The following TMC1 variants were observed in gnomAD, a reference collection of about 807,000 sequenced individuals.
TMC1 encodes the protein transmembrane channel like 1, also known as transmembrane channel-like protein 1.
Under a neutral mutation model 105.8 loss-of-function variants are expected in TMC1, and 84 were observed. That is an observed-to-expected ratio of 0.79 (90% CI 0.67 to 0.95). The LOEUF (loss-of-function observed/expected upper bound fraction) is 0.95. TMC1 is among the 40% of genes least tolerant of loss of function. The pLI is 0.00. For synonymous variants in TMC1, 315 were observed against 311.5 expected, an observed-to-expected ratio of 1.01 and a Z score of -0.12; for missense variants, 817 against 914.1, an observed-to-expected ratio of 0.89 and a Z score of 1.37.
intron 3 of TMC1, among the ~76,000 whole-genome samples, chr9:72,619,101 A>G (rs1825195119): frequency 6.6e-6 from 1 of 152,182 alleles, no homozygotes; most frequent in Non-Finnish European, 1.5e-5. Context: ...AACATTTGTC[A>G]TACTGAAAAG....
intron 8 of TMC1, among the ~76,000 whole-genome samples, chr9:72,704,465 TACCA>T (rs1826700559): frequency 6.6e-6 from 1 of 152,160 alleles, no homozygotes; most frequent in South Asian, 2.1e-4. Flanking sequence ...AAAGAGCATC[TACCA>T]TTAGGAACCC....
chr9:72,601,599 C>T (rs1192294170), intron 2 of TMC1, among the ~76,000 whole-genome samples: 7 of 152,170 alleles, frequency 4.6e-5, no homozygotes, highest in African/African-American at 1.4e-4. Context: ...GAGCTGAGAT[C>T]GTGCTCCTGC....
chr9:72,648,453 T>C lies in TMC1; in HGVS notation c.-52-144T>C, dbSNP rs1825750072. On this transcript the variant is annotated intron_variant, in intron 4 of 23. Coordinates refer to ENST00000297784, the MANE Select transcript of TMC1 (RefSeq NM_138691.3). ...CGTCCCTTAAATGGCAAACTAAACA[T>C]TCGTGAAAATTTAATGGTGAGGAAA... The C allele has an allele frequency of 1.3e-5, 8 of 634,994 alleles. No homozygotes were observed. In the South Asian group the frequency reaches 1.3e-4, roughly 10 times the overall value. The allele number at this position is 634,994 out of a possible 1,614,324, so 39.3% of individuals were successfully genotyped here.
intron 8 of TMC1, among the ~76,000 whole-genome samples, chr9:72,716,792 C>G (rs768162781): frequency 3.4e-4 from 51 of 152,158 alleles, no homozygotes; most frequent in Non-Finnish European, 6.3e-4. Context: ...CACTGACATT[C>G]CAGGCACCAC....
intron 2 of TMC1, among the ~76,000 whole-genome samples, chr9:72,602,274 A>T (rs1824829878): frequency 6.6e-6 from 1 of 152,020 alleles, no homozygotes; most frequent in African/African-American, 2.4e-5. Context: ...AAGTAAGACA[A>T]CACACTCCAG....
intron 3 of TMC1, among the ~76,000 whole-genome samples, chr9:72,624,063 T>C (rs1194754147): frequency 1.3e-5 from 2 of 152,146 alleles, no homozygotes; most frequent in African/African-American, 4.8e-5. Context: ...TTCCGATAGA[T>C]GGTTGTGTAG....
rs145064551 is a variant in TMC1 at position 72,733,852 on chromosome 9, T to A, written c.363-6267T>A. Among the ~76,000 whole-genome samples, 286 of 152,304 alleles carry A rather than the reference T, an allele frequency of 1.9e-3. 4 individuals are homozygous for A. The highest frequency in any genetic ancestry group is 0.014 in the Middle Eastern group (4 of 294). ...CTTAGCAACCTCAGCATACTTTTTT[T>A]TTTCTGCCCTCATTAGGTTGAGAAC... On this transcript the variant is annotated intron_variant, in intron 8 of 23. Coordinates refer to ENST00000297784, the MANE Select transcript of TMC1 (RefSeq NM_138691.3).
intron 17 of TMC1, among the ~76,000 whole-genome samples, chr9:72,792,866 C>T (rs917104365): frequency 6.6e-6 from 1 of 152,148 alleles, no homozygotes; most frequent in Non-Finnish European, 1.5e-5. Flanking sequence ...CAGGTACATG[C>T]ATTGGATCTA....
chr9:72,790,406 G>A (rs535398359), intron 15 of TMC1, among the ~76,000 whole-genome samples: 2 of 152,142 alleles, frequency 1.3e-5, no homozygotes, highest in African/African-American at 4.8e-5. Context: ...ATAAAAACTT[G>A]TAAAATATAA....
chr9:72,779,149 G>T (rs1391154848), intron 13 of TMC1, among the ~76,000 whole-genome samples: 1 of 152,166 alleles, frequency 6.6e-6, no homozygotes, highest in Non-Finnish European at 1.5e-5. Flanking sequence ...TATACCACTG[G>T]GTTACAGCAC....
At position 72,754,972 on chromosome 9, in the gene TMC1, G is replaced by A; in HGVS notation, c.741+88G>A. The A allele has an allele frequency of 4.8e-6, 4 of 841,268 alleles. No homozygotes were observed. The Middle Eastern group carries it at 7.6e-4, about 159-fold the overall frequency. 52.1% of individuals were successfully genotyped at this position (841,268 alleles called of 1,614,324 possible). ...TGAAACCCACGGCCTCCTCTCCTGG[G>A]TCAGGCTGAATGTCTTAAGAAAGAC... On this transcript the variant is annotated intron_variant, in intron 12 of 23. Transcript: ENST00000297784.
intron 8 of TMC1, among the ~76,000 whole-genome samples, chr9:72,731,623 T>A (rs1244659739): frequency 3.3e-5 from 5 of 152,140 alleles, no homozygotes; most frequent in Non-Finnish European, 7.4e-5. Context: ...ACCCATCAAT[T>A]TCCTGCTCAA....
intron 1 of TMC1, among the ~76,000 whole-genome samples, chr9:72,563,233 A>G (rs1346109701): frequency 6.6e-6 from 1 of 152,264 alleles, no homozygotes; most frequent in Non-Finnish European, 1.5e-5. Context: ...TTGAGATCAG[A>G]TTGAGAAAGG....
intron 1 of TMC1, among the ~76,000 whole-genome samples, chr9:72,557,279 G>T (rs1027100542): frequency 6.6e-5 from 10 of 152,132 alleles, no homozygotes; most frequent in African/African-American, 2.4e-4. Context: ...GCCAAGGCAG[G>T]AGAATCGCTT....
chr9:72,554,202 C>G (rs568685259), intron 1 of TMC1, among the ~76,000 whole-genome samples: 3 of 152,052 alleles, frequency 2.0e-5, no homozygotes, highest in Admixed American at 1.3e-4. Context: ...CTTTTCTTAG[C>G]TGTGATCGTT....
chr9:72,816,124 A>T lies in TMC1; in HGVS notation c.1696-19A>T, dbSNP rs770370818. On this transcript the variant is annotated intron_variant, in intron 18 of 23. Coordinates refer to ENST00000297784, the MANE Select transcript of TMC1 (RefSeq NM_138691.3). Reference sequence around the variant, plus strand: ...GACCATGTGAGACGCTAATCCAATGAACATTGTGTCTCCTCTAGCCTTCAT... The same window carrying T: ...GACCATGTGAGACGCTAATCCAATGTACATTGTGTCTCCTCTAGCCTTCAT... The T allele has an allele frequency of 1.9e-6, 3 of 1,611,940 alleles. No individual in the cohort carries two copies. Among genetic ancestry groups the T allele is most frequent in the Non-Finnish European group, 2.5e-6 (3 of 1,178,078 alleles).
intron 12 of TMC1, among the ~76,000 whole-genome samples, chr9:72,762,898 T>C (rs1241575678): frequency 2.0e-5 from 3 of 152,172 alleles, no homozygotes; most frequent in East Asian, 3.9e-4. Context: ...AGAAGATGCA[T>C]TTCATGTTCT....
chr9:72,618,731 G>A (rs1430362536), intron 3 of TMC1, among the ~76,000 whole-genome samples: 1 of 152,000 alleles, frequency 6.6e-6, no homozygotes, highest in East Asian at 1.9e-4. Context: ...CATAACATAT[G>A]GATGCACAGC....
At chr9:72,533,669 C>T (rs1823533470) in intron 1 of TMC1, among the ~76,000 whole-genome samples, 1 of 152,188 alleles carries the variant, frequency 6.6e-6, no homozygotes, top group Non-Finnish European at 1.5e-5. Context: ...CAGGCACTCT[C>T]ATACAATCTA....
Sources: allele counts gnomAD v4.1 joint callset (sites outside exome capture counted in the v4.1 genomes callset), GRCh38; gene constraint gnomAD v4.1.1; transcripts MANE v1.5; gene names NCBI Gene and HGNC (gene_info 2026-07-23, HGNC 2026-07-21).